The following GNAQ variants were observed in gnomAD, a reference collection of about 807,000 sequenced individuals.
GNAQ encodes the protein guanine nucleotide-binding protein G(q) subunit alpha.
Under a neutral mutation model 43.9 loss-of-function variants are expected in GNAQ, and 8 were observed. The ratio of observed to expected loss-of-function variants is 0.18; its 90% CI spans 0.11 to 0.33. The LOEUF (loss-of-function observed/expected upper bound fraction) is 0.33, where lower values mean the gene tolerates loss of function less well. Ranked by LOEUF, GNAQ falls within the 10% of genes least tolerant of loss-of-function variation. GNAQ has a pLI of 1.00. For synonymous variants in GNAQ, 155 were observed against 170.7 expected (o/e 0.91, Z 0.71); for missense variants, 158 against 450.8 (o/e 0.35, Z 5.88).
chr9:77,976,673 A>T (rs1470868363), intron 1 of GNAQ, among the ~76,000 whole-genome samples: 1 of 152,248 alleles, frequency 6.6e-6, no homozygotes, highest in Non-Finnish European at 1.5e-5. Flanking sequence ...TACAGGCGTG[A>T]GCCAACACGC....
At chr9:77,791,153 A>C (rs983810199) in intron 5 of GNAQ, among the ~76,000 whole-genome samples, 3 of 152,226 alleles carry the variant, frequency 2.0e-5, no homozygotes, top group Non-Finnish European at 4.4e-5. Context: ...TCACATTCAA[A>C]GAGGACATGG....
intron 5 of GNAQ, among the ~76,000 whole-genome samples, chr9:77,790,315 T>C (rs1032476914): frequency 6.6e-6 from 1 of 152,250 alleles, no homozygotes; most frequent in Non-Finnish European, 1.5e-5. Context: ...CAAAGCTGAA[T>C]GTTATCTGAA....
chr9:77,746,469 ATTATC>A (rs974379333), intron 5 of GNAQ, among the ~76,000 whole-genome samples: 16 of 152,268 alleles, frequency 1.1e-4, no homozygotes, highest in African/African-American at 3.4e-4. Context: ...GAACTGATAT[ATTATC>A]TTATATGTTG....
At chr9:77,922,019 T>A in intron 2 of GNAQ, 142 bp downstream of exon 2, 1 of 479,426 alleles carries the variant, frequency 2.1e-6, no homozygotes, top group South Asian at 4.8e-5. Flanking sequence ...CTATTAAAAG[T>A]CTCATTTATG....
At chr9:77,729,187 CAT>C (rs1825446760) in intron 5 of GNAQ, among the ~76,000 whole-genome samples, 1 of 152,204 alleles carries the variant, frequency 6.6e-6, no homozygotes, top group African/African-American at 2.4e-5. Flanking sequence ...TACACACACA[CAT>C]ACACACACCC....
intron 3 of GNAQ, 91 bp from the exon 4 acceptor site, chr9:77,797,739 G>T: frequency 9.0e-7 from 1 of 1,116,934 alleles, no homozygotes; most frequent in Non-Finnish European, 1.3e-6. Context: ...AGTCCTAACA[G>T]AGAAGTAAAG....
At chr9:77,861,929 T>C (rs1352450360) in intron 2 of GNAQ, among the ~76,000 whole-genome samples, 1 of 146,884 alleles carries the variant, frequency 6.8e-6, no homozygotes, top group Admixed American at 7.0e-5. Context: ...TGCTTGAACC[T>C]GGGAGGCGGA....
chr9:77,894,974 G>A lies in GNAQ; in HGVS notation c.321+27187C>T, dbSNP rs181293785. The stretch of plus-strand genomic sequence containing the variant: ...GGAGGCCAAGGCAGGCAGATCACGA[G>A]GTCAGGAGATTGAGACCATCTTGGC... On this transcript the variant is annotated intron_variant, in intron 2 of 6. Transcript: ENST00000286548. Among the ~76,000 whole-genome samples, 204 of 151,814 alleles carry A rather than the reference G, an allele frequency of 1.3e-3. 2 individuals are homozygous for A. The highest frequency in any genetic ancestry group is 0.01 in the Middle Eastern group (3 of 294).
chr9:77,851,231 G>T (rs1405748238), intron 2 of GNAQ, among the ~76,000 whole-genome samples: 1 of 152,154 alleles, frequency 6.6e-6, no homozygotes, highest in African/African-American at 2.4e-5. Flanking sequence ...AAAAGACTGA[G>T]ACACCCAAGG....
intron 5 of GNAQ, among the ~76,000 whole-genome samples, chr9:77,759,254 C>T (rs777176749): frequency 2.0e-5 from 3 of 152,146 alleles, no homozygotes; most frequent in South Asian, 2.1e-4. Context: ...GCAAAAATAA[C>T]GTTACAGTTC....
intron 2 of GNAQ, among the ~76,000 whole-genome samples, chr9:77,884,704 G>C (rs184360970): frequency 7.9e-4 from 120 of 152,168 alleles, no homozygotes; most frequent in African/African-American, 2.8e-3. Context: ...CTGTTCACTC[G>C]GGAAGCATAG....
intron 1 of GNAQ, among the ~76,000 whole-genome samples, chr9:77,975,531 C>A (rs996614281): frequency 3.6e-5 from 5 of 139,728 alleles, no homozygotes; most frequent in African/African-American, 5.6e-5. Context: ...TGTTATCAGC[C>A]CCCCCTTTTT....
At chr9:77,771,493 T>C (rs1826221762) in intron 5 of GNAQ, among the ~76,000 whole-genome samples, 1 of 152,224 alleles carries the variant, frequency 6.6e-6, no homozygotes, top group African/African-American at 2.4e-5. Context: ...ATGAGAGATA[T>C]ATTCCTCCTG....
At chr9:77,732,123 A>G (rs932006402) in intron 5 of GNAQ, among the ~76,000 whole-genome samples, 7 of 152,118 alleles carry the variant, frequency 4.6e-5, no homozygotes, top group Non-Finnish European at 1.0e-4. Flanking sequence ...ATTGAAATCT[A>G]TGAGGGAACA....
chr9:77,842,654 A>T (rs1021011171), intron 2 of GNAQ, among the ~76,000 whole-genome samples: 1 of 152,118 alleles, frequency 6.6e-6, no homozygotes, highest in Non-Finnish European at 1.5e-5. Flanking sequence ...TGAGACACTG[A>T]GAGATTCCCC....
chr9:77,886,194 T>C (rs1156812360), intron 2 of GNAQ, among the ~76,000 whole-genome samples: 1 of 152,142 alleles, frequency 6.6e-6, no homozygotes, highest in African/African-American at 2.4e-5. Context: ...CTTGAACTCT[T>C]AACCTCTGGT....
At chr9:77,933,305 G>A (rs760451528) in intron 1 of GNAQ, among the ~76,000 whole-genome samples, 5 of 152,092 alleles carry the variant, frequency 3.3e-5, no homozygotes, top group Non-Finnish European at 5.9e-5. Flanking sequence ...TAAAGAAAAG[G>A]TAAGAAACTT....
chr9:77,892,161 C>A, intron 2 of GNAQ, among the ~76,000 whole-genome samples: 1 of 152,272 alleles, frequency 6.6e-6, no homozygotes, highest in South Asian at 2.1e-4. Context: ...TAGCCTAGTG[C>A]ATGGATTTTG....
At chr9:77,874,395 C>G (rs957707653) in intron 2 of GNAQ, among the ~76,000 whole-genome samples, 2 of 152,164 alleles carry the variant, frequency 1.3e-5, no homozygotes, top group African/African-American at 4.8e-5. Flanking sequence ...CTTCCACCTC[C>G]TCATATCTCC....
Sources: gnomAD v4.1 joint callset for allele counts (sites outside exome capture counted in the v4.1 genomes callset) on GRCh38, gnomAD v4.1.1 for gene constraint, MANE v1.5 for transcripts, NCBI Gene and HGNC (gene_info 2026-07-23, HGNC 2026-07-21) for gene names.